PPIL4: variants seen among roughly 807,000 people sequenced by gnomAD.
The protein encoded by PPIL4 is peptidyl-prolyl cis-trans isomerase-like 4.
Under a neutral mutation model 69.1 loss-of-function variants are expected in PPIL4, and 50 were observed. That is an observed-to-expected ratio of 0.72 (90% CI 0.58 to 0.92). The LOEUF is 0.92. Among genes scored for constraint, PPIL4 ranks in the 40% least tolerant of loss-of-function variants. The pLI is 0.00. For synonymous variants in PPIL4, 193 were observed against 191.6 expected (o/e 1.01, Z -0.06); for missense variants, 480 against 587.9 (o/e 0.82, Z 1.90).
intron 12 of PPIL4, among the ~76,000 whole-genome samples, chr6:149,511,137 T>G (rs1156529448): frequency 6.6e-6 from 1 of 151,848 alleles, no homozygotes; most frequent in Non-Finnish European, 1.5e-5. Context: ...TTCCCTCCCT[T>G]CTCACCTCAG....
In PPIL4 at chr6:149,513,385, C is replaced by CAAA. The variant is rs1170985851; in HGVS notation, c.1080-1086_1080-1084dup. On this transcript the variant is annotated intron_variant, in intron 11 of 12. Coordinates refer to ENST00000253329, the MANE Select transcript of PPIL4 (RefSeq NM_139126.4). ...GGGTGACAGAGCGGGGACTCAGTCT[C>CAAA]AAAAAAAAAAAAAAAAAAAAAAAAA... 7.2e-4 allele frequency among the ~76,000 whole-genome samples: 30 copies of CAAA among 41,542 alleles called. 2 individuals are homozygous for CAAA. The highest frequency in any genetic ancestry group is 5.2e-3 in the African/African-American group (28 of 5,394). 27.3% of individuals were successfully genotyped at this position (41,542 alleles called of 152,430 possible).
chr6:149,525,976 G>A (rs1299342746), intron 8 of PPIL4, among the ~76,000 whole-genome samples: 3 of 152,176 alleles, frequency 2.0e-5, no homozygotes, highest in Non-Finnish European at 2.9e-5. Flanking sequence ...GCGCATGCCT[G>A]TAGTCCCAGC....
chr6:149,534,577 GATA>G, intron 6 of PPIL4, 98 bp downstream of exon 6: 2 of 637,096 alleles, frequency 3.1e-6, no homozygotes, highest in Non-Finnish European at 5.3e-6. Flanking sequence ...AATTAAGCAA[GATA>G]ATAATTCGGA....
At chr6:149,544,093 T>C (rs957623132) in intron 1 of PPIL4, among the ~76,000 whole-genome samples, 4 of 151,804 alleles carry the variant, frequency 2.6e-5, no homozygotes, top group African/African-American at 9.7e-5. Flanking sequence ...TGCTTGTTAA[T>C]TGGGTGGGGT....
chr6:149,539,702 CCA>C (rs1379163327), intron 4 of PPIL4, among the ~76,000 whole-genome samples: 4 of 152,150 alleles, frequency 2.6e-5, no homozygotes, highest in Non-Finnish European at 5.9e-5. Flanking sequence ...TAAGAAGCTG[CCA>C]CAGTCACCCC....
chr6:149,506,920 T>C (rs1468458279), intron 12 of PPIL4, among the ~76,000 whole-genome samples: 3 of 152,234 alleles, frequency 2.0e-5, no homozygotes, highest in Admixed American at 6.5e-5. Flanking sequence ...GTCAAAATTA[T>C]TATATTTCTT....
intron 4 of PPIL4, among the ~76,000 whole-genome samples, chr6:149,539,549 T>G (rs1417520238): frequency 6.6e-6 from 1 of 152,176 alleles, no homozygotes. Context: ...AGCTAATTTT[T>G]GTATTTTTTT....
intron 10 of PPIL4, among the ~76,000 whole-genome samples, chr6:149,518,632 AAC>A (rs1357496739): frequency 2.0e-5 from 3 of 152,214 alleles, no homozygotes; most frequent in African/African-American, 7.2e-5. Flanking sequence ...ATAAATGTGA[AAC>A]AGTCTACTGC....
intron 7 of PPIL4, among the ~76,000 whole-genome samples, chr6:149,532,300 A>G (rs966033994): frequency 6.6e-6 from 1 of 152,262 alleles, no homozygotes; most frequent in Non-Finnish European, 1.5e-5. Flanking sequence ...AAAAAGTTTT[A>G]AAAAGTATGT....
At chr6:149,531,320 G>A (rs1297581329) in intron 7 of PPIL4, among the ~76,000 whole-genome samples, 1 of 146,576 alleles carries the variant, frequency 6.8e-6, no homozygotes, top group African/African-American at 2.5e-5. Context: ...AGCCAAGATC[G>A]TGCCATTGCA....
At chr6:149,532,227 T>C (rs1777210401) in intron 7 of PPIL4, among the ~76,000 whole-genome samples, 1 of 152,228 alleles carries the variant, frequency 6.6e-6, no homozygotes, top group Non-Finnish European at 1.5e-5. Flanking sequence ...TTGGTGAATG[T>C]GGGTAAAAGG....
rs1467083457 is a variant in PPIL4, at chr6:149,533,438, A to G, written c.678+20T>C. 3 of 1,292,592 alleles carry G rather than the reference A, an allele frequency of 2.3e-6. No homozygotes were observed. The highest frequency in any genetic ancestry group is 3.4e-6 in the Non-Finnish European group (3 of 888,686). 80.1% of individuals were successfully genotyped at this position (1,292,592 alleles called of 1,614,324 possible). A position where few individuals can be genotyped will look rare whatever the true frequency, so the allele number is the denominator to read the frequency against. On this transcript the variant is annotated intron_variant, in intron 7 of 12. Transcript: ENST00000253329. ...ATTAGATATATTACAGAACAATTTG[A>G]ACAAAGATAATTATCTTACCATCTC...
intron 9 of PPIL4, 24 bp downstream of exon 9, chr6:149,525,119 A>G (rs747827644): frequency 1.7e-5 from 21 of 1,242,976 alleles, no homozygotes; most frequent in Non-Finnish European, 2.4e-5. Flanking sequence ...TAAATACCAA[A>G]CTTATGTCTG....
chr6:149,544,790 G>C (rs1004052404), intron 1 of PPIL4, among the ~76,000 whole-genome samples: 1 of 152,214 alleles, frequency 6.6e-6, no homozygotes, highest in African/African-American at 2.4e-5. Flanking sequence ...GTTTTCGCCA[G>C]GTGGAGAGGA....
At chr6:149,535,926 C>T (rs1190480828) in intron 4 of PPIL4, among the ~76,000 whole-genome samples, 188 bp from the exon 5 acceptor site, 1 of 152,232 alleles carries the variant, frequency 6.6e-6, no homozygotes, top group African/African-American at 2.4e-5. Flanking sequence ...TTTTATTGCA[C>T]TTTGCAGATA....
chr6:149,530,970 T>C (rs559788719), intron 7 of PPIL4, among the ~76,000 whole-genome samples: 1 of 152,338 alleles, frequency 6.6e-6, no homozygotes, highest in Admixed American at 6.5e-5. Context: ...CACCTCCAGA[T>C]GTGACCTCTG....
chr6:149,536,469 G>A (rs1423778098), intron 4 of PPIL4, among the ~76,000 whole-genome samples: 1 of 152,156 alleles, frequency 6.6e-6, no homozygotes, highest in Non-Finnish European at 1.5e-5. Flanking sequence ...AGTTCTTAAA[G>A]AAAATTAGAA....
chr6:149,523,523 T>C (rs1777061870), intron 9 of PPIL4, among the ~76,000 whole-genome samples: 1 of 151,878 alleles, frequency 6.6e-6, no homozygotes, highest in Non-Finnish European at 1.5e-5. Flanking sequence ...AAACCCTGTA[T>C]CTACTAAAAA....
chr6:149,534,800 G>A, intron 5 of PPIL4, 26 bp from the exon 6 acceptor site: 1 of 1,243,918 alleles, frequency 8.0e-7, no homozygotes, highest in Non-Finnish European at 1.1e-6. Flanking sequence ...CAAATCAAAT[G>A]TTATACATTG....
Sources: gnomAD v4.1 joint callset for allele counts (sites outside exome capture counted in the v4.1 genomes callset) on GRCh38, gnomAD v4.1.1 for gene constraint, MANE v1.5 for transcripts, NCBI Gene and HGNC (gene_info 2026-07-23, HGNC 2026-07-21) for gene names.